SNX13: variants seen among roughly 807,000 people sequenced by gnomAD.
SNX13 encodes the protein sorting nexin-13.
SNX13 carries 45 observed loss-of-function variants against 133.6 expected under a neutral mutation model. The observed-to-expected ratio is 0.34, with a 90% CI of 0.27 to 0.43. SNX13 has a LOEUF of 0.43. Ranked by LOEUF, SNX13 falls within the 20% of genes least tolerant of loss-of-function variation. The pLI, the probability that SNX13 is intolerant of heterozygous loss-of-function variation, is 1.00. For synonymous variants in SNX13, 414 were observed against 373.9 expected (o/e 1.11, Z -1.24); for missense variants, 1,032 against 1,145.1 (o/e 0.90, Z 1.43).
chr7:17,844,008 C>T (rs1282837358), intron 12 of SNX13, among the ~76,000 whole-genome samples: 2 of 149,780 alleles, frequency 1.3e-5, no homozygotes, highest in Non-Finnish European at 3.0e-5. Context: ...AACTTTACAA[C>T]ATAAAGAAAT....
chr7:17,879,178 G>A (rs1314374706), intron 5 of SNX13, among the ~76,000 whole-genome samples: 1 of 152,174 alleles, frequency 6.6e-6, no homozygotes, highest in Non-Finnish European at 1.5e-5. Context: ...CAGATTGACT[G>A]TGTCTGTTTT....
intron 9 of SNX13, 82 bp downstream of exon 9, chr7:17,868,325 T>C: frequency 1.1e-6 from 1 of 947,460 alleles, no homozygotes; most frequent in Admixed American, 2.6e-5. Context: ...AAATTACTGC[T>C]TAAACACCCT....
At chr7:17,913,762 A>AAAAC (rs1207502899) in intron 1 of SNX13, among the ~76,000 whole-genome samples, 1 of 20,504 alleles carries the variant, frequency 4.9e-5, no homozygotes. Context: ...AACAAAAACA[A>AAAAC]AAAAAAAAAA....
intron 9 of SNX13, among the ~76,000 whole-genome samples, chr7:17,858,562 C>T (rs1792220762): frequency 6.6e-6 from 1 of 152,018 alleles, no homozygotes; most frequent in South Asian, 2.1e-4. Flanking sequence ...TCCATTCTTC[C>T]TAAATTCATC....
At chr7:17,836,817 GAA>G (rs1219566083) in intron 13 of SNX13, among the ~76,000 whole-genome samples, 1 of 151,862 alleles carries the variant, frequency 6.6e-6, no homozygotes, top group African/African-American at 2.4e-5. Context: ...TTAAAATACA[GAA>G]AGACTTTTTA....
chr7:17,803,370 T>C (rs895262452), intron 21 of SNX13, 49 bp downstream of exon 21: 14 of 1,515,608 alleles, frequency 9.2e-6, no homozygotes, highest in East Asian at 2.3e-5. Context: ...ATACATCTTA[T>C]TGACTTAAAA....
At chr7:17,877,135 A>G (rs552610518) in intron 5 of SNX13, among the ~76,000 whole-genome samples, 131 of 151,984 alleles carry the variant, frequency 8.6e-4, no homozygotes, top group Admixed American at 1.6e-3. Context: ...TAAGTTATTA[A>G]CACTAAGGTT....
At chr7:17,805,254 T>TGTGTGTGTGTGTGTGTGTGTGC (rs537620797) in intron 20 of SNX13, among the ~76,000 whole-genome samples, 6 of 132,522 alleles carry the variant, frequency 4.5e-5, no homozygotes, top group East Asian at 4.3e-4. Flanking sequence ...TGTGTGTGCG[T>TGTGTGTGTGTGTGTGTGTGTGC]GCGCGCGCGC....
intron 11 of SNX13, among the ~76,000 whole-genome samples, chr7:17,846,967 T>C (rs932050935): frequency 2.0e-5 from 3 of 152,058 alleles, no homozygotes; most frequent in African/African-American, 7.2e-5. Context: ...AGGAAAACAC[T>C]GTATGATCTG....
intron 5 of SNX13, among the ~76,000 whole-genome samples, chr7:17,877,543 A>C (rs1794862770): frequency 6.6e-6 from 1 of 152,114 alleles, no homozygotes. Context: ...AATTTAGAAG[A>C]AAGCAGAATA....
chr7:17,865,198 C>T (rs1793236016), intron 9 of SNX13, among the ~76,000 whole-genome samples: 1 of 152,132 alleles, frequency 6.6e-6, no homozygotes, highest in Non-Finnish European at 1.5e-5. Flanking sequence ...CAGACAACTA[C>T]AGAATAATAC....
At position 17,804,656 on chromosome 7, in the gene SNX13, T is replaced by C. The variant is rs184138487; in HGVS notation, c.2065-1076A>G. 1.6e-3 allele frequency among the ~76,000 whole-genome samples: 249 copies of C among 151,762 alleles called. 2 individuals carry two copies. The highest frequency in any genetic ancestry group is 0.014 in the Admixed American group (207 of 15,250). ...ACCAAACTAGAGATGCAGATGAGAC[T>C]GAGCGATTCTTTAACAGAAATAAAG... On this transcript the variant is annotated intron_variant, in intron 20 of 25. Coordinates refer to ENST00000428135, the MANE Select transcript of SNX13 (RefSeq NM_015132.5).
intron 19 of SNX13, among the ~76,000 whole-genome samples, chr7:17,815,695 A>T (rs904637806): frequency 6.6e-6 from 1 of 152,222 alleles, no homozygotes; most frequent in Non-Finnish European, 1.5e-5. Context: ...CTGCTTTCAC[A>T]ACTGCTAATA....
At chr7:17,850,457 A>T in intron 10 of SNX13, 22 bp from the exon 11 acceptor site, 2 of 1,398,424 alleles carry the variant, frequency 1.4e-6, no homozygotes, top group Non-Finnish European at 1.9e-6. Context: ...GAAATCATGA[A>T]CTAGAAAGTG....
chr7:17,910,363 G>A lies in SNX13; in HGVS notation c.13-12917C>T, dbSNP rs117779840. 2.5e-3 allele frequency among the ~76,000 whole-genome samples: 377 copies of A among 152,230 alleles called. 4 individuals carry two copies. Among genetic ancestry groups the A allele is most frequent in the East Asian group, 6.6e-3 (34 of 5,180 alleles). ...AAAAATCTGTTGCAAAAGATGTACC[G>A]AGAGTTCGTACCTCAAACAAAACGA... On this transcript the variant is annotated intron_variant, in intron 1 of 25. Coordinates refer to ENST00000428135, the MANE Select transcript of SNX13 (RefSeq NM_015132.5).
chr7:17,827,517 A>G (rs1242121525), intron 16 of SNX13, among the ~76,000 whole-genome samples: 1 of 151,950 alleles, frequency 6.6e-6, no homozygotes, highest in Admixed American at 6.6e-5. Flanking sequence ...CCAAAAATGT[A>G]TCTACTAAAA....
At chr7:17,928,997 T>TATAA (rs10650589) in intron 1 of SNX13, among the ~76,000 whole-genome samples, 89,863 of 151,500 alleles carry the variant, frequency 0.59, 27,099 homozygotes, top group Non-Finnish European at 0.65. Context: ...TTTTCAAACC[T>TATAA]ATAAAGTATA....
intron 7 of SNX13, among the ~76,000 whole-genome samples, chr7:17,875,205 C>T (rs758944118): frequency 3.9e-5 from 6 of 151,946 alleles, no homozygotes; most frequent in Non-Finnish European, 7.4e-5. Context: ...TGGACTCAAG[C>T]AATCCAGGCC....
intron 15 of SNX13, chr7:17,830,293 G>A (rs1278029491): frequency 2.0e-6 from 2 of 983,722 alleles, no homozygotes; most frequent in Non-Finnish European, 2.4e-6. Context: ...AATCAAAAAG[G>A]CATTCGTGTT....
Sources: gnomAD v4.1 joint callset for allele counts (sites outside exome capture counted in the v4.1 genomes callset) on GRCh38, gnomAD v4.1.1 for gene constraint, MANE v1.5 for transcripts, NCBI Gene and HGNC (gene_info 2026-07-23, HGNC 2026-07-21) for gene names.